The following NUF2 variants were observed in gnomAD, a reference collection of about 807,000 sequenced individuals.
NUF2 encodes kinetochore protein Nuf2.
A neutral mutation model predicts 61.8 loss-of-function variants in NUF2; 34 were observed. That is an observed-to-expected ratio of 0.55 (90% CI 0.42 to 0.73). The LOEUF is 0.73. Ranked by LOEUF, NUF2 falls within the 30% of genes least tolerant of loss-of-function variation. NUF2 has a pLI of 0.00. For synonymous variants in NUF2, 172 were observed against 181.6 expected (o/e 0.95, Z 0.42); for missense variants, 445 against 539.1 (o/e 0.83, Z 1.73).
At position 163,355,499 on chromosome 1, in the gene NUF2, G is replaced by A; in HGVS notation, c.*30G>A. On this transcript the variant is annotated 3_prime_UTR_variant, in exon 14 of 14. Transcript: ENST00000271452. The stretch of plus-strand genomic sequence containing the variant: ...CAAAATTACATGTCTTTTTGTAAAT[G>A]GCTTGCCATCTTTTAATTTTCTATT... 1 of 1,557,914 alleles carries A rather than the reference G, an allele frequency of 6.4e-7. No individual in the cohort carries two copies. The highest frequency in any genetic ancestry group is 2.3e-5 in the East Asian group (1 of 43,326).
chr1:163,326,231 C>A, intron 2 of NUF2, 57 bp downstream of exon 2: 1 of 1,571,334 alleles, frequency 6.4e-7, no homozygotes, highest in South Asian at 1.2e-5. Context: ...AAGTAAGCTA[C>A]TAGGTCTATT....
At chr1:163,333,451 T>G (rs1053469833) in intron 5 of NUF2, among the ~76,000 whole-genome samples, 4 of 152,204 alleles carry the variant, frequency 2.6e-5, no homozygotes, top group Middle Eastern at 3.4e-3. Flanking sequence ...TTATACTATT[T>G]GTTTTCTCTT....
intron 5 of NUF2, among the ~76,000 whole-genome samples, chr1:163,331,625 T>G (rs1650601796): frequency 6.6e-6 from 1 of 152,070 alleles, no homozygotes. Context: ...GGATCTATCT[T>G]GGATTGCAGT....
intron 6 of NUF2, among the ~76,000 whole-genome samples, 182 bp from the exon 7 acceptor site, chr1:163,337,838 C>T (rs1438531954): frequency 6.6e-6 from 1 of 152,054 alleles, no homozygotes; most frequent in Non-Finnish European, 1.5e-5. Context: ...AGCTCAGTGC[C>T]TATGATGAGA....
chr1:163,335,015 AC>A (rs377550065), intron 5 of NUF2, among the ~76,000 whole-genome samples: 207 of 152,068 alleles, frequency 1.4e-3, no homozygotes, highest in African/African-American at 4.7e-3. Context: ...GTGCAGTGGC[AC>A]AGTCTCGGCT....
chr1:163,330,499 C>G (rs147550590), intron 5 of NUF2, among the ~76,000 whole-genome samples: 2 of 152,128 alleles, frequency 1.3e-5, no homozygotes, highest in East Asian at 3.9e-4. Context: ...ATCAGTGTTA[C>G]TCCTCTTTCT....
intron 5 of NUF2, among the ~76,000 whole-genome samples, chr1:163,334,981 G>T (rs1007645131): frequency 1.3e-5 from 2 of 151,952 alleles, no homozygotes; most frequent in Non-Finnish European, 2.9e-5. Flanking sequence ...TTGAGATGGA[G>T]TCTCGCTCTG....
At chr1:163,332,050 T>G (rs1413501919) in intron 5 of NUF2, among the ~76,000 whole-genome samples, 1 of 152,022 alleles carries the variant, frequency 6.6e-6, no homozygotes, top group Admixed American at 6.5e-5. Context: ...TTTGTTTTTT[T>G]TAAGGCAGTA....
At chr1:163,348,515 C>G (rs1191933847) in intron 12 of NUF2, among the ~76,000 whole-genome samples, 1 of 152,140 alleles carries the variant, frequency 6.6e-6, no homozygotes, top group Non-Finnish European at 1.5e-5. Context: ...GTATTTCCTT[C>G]ATACTTCCTC....
intron 5 of NUF2, 131 bp from the exon 6 acceptor site, chr1:163,336,620 C>A: frequency 2.1e-6 from 1 of 476,476 alleles, no homozygotes. Flanking sequence ...AGATTTTCTA[C>A]ACTTTGTTAT....
At chr1:163,340,458 A>C in intron 9 of NUF2, 32 bp downstream of exon 9, 2 of 1,514,720 alleles carry the variant, frequency 1.3e-6, no homozygotes, top group Non-Finnish European at 1.8e-6. Flanking sequence ...TAGCATTTAA[A>C]GTTTGAATAT....
chr1:163,348,696 C>T (rs1004231315), intron 12 of NUF2, among the ~76,000 whole-genome samples: 1 of 151,968 alleles, frequency 6.6e-6, no homozygotes, highest in African/African-American at 2.4e-5. Flanking sequence ...TTGATTTACT[C>T]ATTCACTAAC....
chr1:163,338,721 C>T (rs1484941374), intron 7 of NUF2, among the ~76,000 whole-genome samples: 1 of 151,976 alleles, frequency 6.6e-6, no homozygotes, highest in Non-Finnish European at 1.5e-5. Flanking sequence ...CCAACTAAAT[C>T]AAAACAAGAA....
Position 163,347,796 on chromosome 1 carries a change from G to A in NUF2, c.982G>A (p.Glu328Lys). 1 of 1,597,642 alleles carries A rather than the reference G, an allele frequency of 6.3e-7. No homozygotes were observed. Among genetic ancestry groups the A allele is most frequent in the Non-Finnish European group, 8.5e-7 (1 of 1,174,494 alleles). ...LNLEDQIESD[E>K]SELKKLKTEE... ...CTTGGAGGACCAAATTGAGAGTGAT[G>A]AGTCAGAACTGAAGAAATTGAAGAC... Residue 328 changes from glutamate (E) to lysine (K), a missense_variant, in exon 12 of 14, where the codon GAG becomes AAG. By Grantham distance (56) the Glu-to-Lys change is moderately conservative. Transcript: ENST00000271452.
intron 11 of NUF2, 100 bp from the exon 12 acceptor site, chr1:163,347,663 A>T: frequency 1.1e-6 from 1 of 871,628 alleles, no homozygotes; most frequent in Non-Finnish European, 1.7e-6. Flanking sequence ...CTCTTTTTAA[A>T]TTTGTGTTTA....
In NUF2 at chr1:163,355,315, C is replaced by A; in HGVS notation, c.1261-20C>A. Reference sequence around the variant, plus strand: ...GTTGTTGCATGGAATAATTATTATTCTGTTTCATTTTCTACTTAGGAAATA... The same window carrying A: ...GTTGTTGCATGGAATAATTATTATTATGTTTCATTTTCTACTTAGGAAATA... On this transcript the variant is annotated intron_variant, in intron 13 of 13. Coordinates refer to ENST00000271452, the MANE Select transcript of NUF2 (RefSeq NM_145697.3). 6.4e-7 allele frequency: 1 copy of A among 1,563,264 alleles called. No homozygotes were observed. Among genetic ancestry groups the A allele is most frequent in the Non-Finnish European group, 8.7e-7 (1 of 1,148,870 alleles).
chr1:163,348,877 C>A lies in NUF2; in HGVS notation c.1125-68C>A, dbSNP rs1250841361. On this transcript the variant is annotated intron_variant, in intron 12 of 13. Transcript: ENST00000271452. ...ACACATGGTCACTTTGGAATCAAAA[C>A]TAGAATTGTGTTTGCCTTTTTAGTT... 3 of 1,530,448 alleles carry A rather than the reference C, an allele frequency of 2.0e-6. No homozygotes were observed. The Admixed American group carries it at 6.3e-5, about 32-fold the overall frequency. The allele number at this position is 1,530,448 out of a possible 1,614,324, so 94.8% of individuals were successfully genotyped here.
intron 2 of NUF2, 92 bp downstream of exon 2, chr1:163,326,266 T>C (rs1333317357): frequency 8.7e-7 from 1 of 1,155,986 alleles, no homozygotes; most frequent in African/African-American, 1.5e-5. Flanking sequence ...GGATATGGCC[T>C]CCTATTTGAT....
In NUF2 at chr1:163,336,836, T is replaced by G. The variant is rs1477070852; in HGVS notation, c.423T>G (p.Phe141Leu). ...CATGCCGTGAAACGTATATGGAATTTCTTTGGCAATATGTAAGATTTAAAT... is the reference window on the plus strand; with the variant it reads ...CATGCCGTGAAACGTATATGGAATTGCTTTGGCAATATGTAAGATTTAAAT... ...REACRETYME[F>L]LWQYKSSADK... The change falls in exon 6 of 14, where the codon TTT (phenylalanine) becomes TTG (leucine). Residue 141 changes from phenylalanine (F) to leucine (L), a missense_variant. Coordinates refer to ENST00000271452, the MANE Select transcript of NUF2 (RefSeq NM_145697.3). 2 of 1,604,570 alleles carry G rather than the reference T, an allele frequency of 1.2e-6. No homozygotes were observed. The highest frequency in any genetic ancestry group is 8.5e-7 in the Non-Finnish European group (1 of 1,171,582).
Sources: gnomAD v4.1 joint callset for allele counts (sites outside exome capture counted in the v4.1 genomes callset) on GRCh38, gnomAD v4.1.1 for gene constraint, MANE v1.5 for transcripts, NCBI Gene and HGNC (gene_info 2026-07-23, HGNC 2026-07-21) for gene names.